Variants in PRH1 observed in about 807,000 individuals in gnomAD.
PRH1 encodes salivary acidic proline-rich phosphoprotein 1/2.
PRH1 carries 7 observed loss-of-function variants against 7.9 expected under a neutral mutation model. The observed-to-expected ratio is 0.89, with a 90% confidence interval of 0.50 to 1.67. PRH1 has a LOEUF of 1.67. Ranked by LOEUF, PRH1 falls within the 40% of genes most tolerant of loss-of-function variation. The probability of loss-of-function intolerance (pLI) is 0.00; values close to 1 mark genes in which losing one functional copy is unlikely to be tolerated. For missense variants in PRH1, 109 were observed against 223.6 expected (o/e 0.49, Z 3.27); for synonymous variants, 45 against 80.8 (o/e 0.56, Z 2.38).
intron 1 of PRH1, among the ~76,000 whole-genome samples, chr12:11,097,673 AT>A (rs1208751612): frequency 8.7e-6 from 1 of 114,286 alleles, no homozygotes; most frequent in East Asian, 2.1e-4. Context: ...AAAATTACTT[AT>A]TTTCCAAATT....
At chr12:11,081,517 C>T (rs796607059) in intron 1 of PRH1, among the ~76,000 whole-genome samples, 1 of 98,988 alleles carries the variant, frequency 1.0e-5, no homozygotes, top group Admixed American at 1.0e-4. Flanking sequence ...AGAATAAAAG[C>T]TTTGTTCTGG....
At chr12:10,959,346 G>A (rs113254249) in intron 2 of PRH1, among the ~76,000 whole-genome samples, 64 of 139,932 alleles carry the variant, frequency 4.6e-4, no homozygotes, top group Non-Finnish European at 7.9e-5. Flanking sequence ...GAAAGGATTC[G>A]GAGACCAGCG....
At chr12:11,023,076 T>C (rs1241062066) in intron 1 of PRH1, among the ~76,000 whole-genome samples, 1 of 152,212 alleles carries the variant, frequency 6.6e-6, no homozygotes, top group Non-Finnish European at 1.5e-5. Flanking sequence ...CAATATGGAC[T>C]TATTTTTATG....
At chr12:11,067,058 G>A (rs1346923783) in intron 1 of PRH1, among the ~76,000 whole-genome samples, 1 of 151,680 alleles carries the variant, frequency 6.6e-6, no homozygotes, top group Non-Finnish European at 1.5e-5. Flanking sequence ...CCAAATTCTT[G>A]CAAGCCTTTT....
At chr12:10,939,283 A>T (rs1164940793) in intron 2 of PRH1, 1 of 810,374 alleles carries the variant, frequency 1.2e-6, no homozygotes, top group African/African-American at 1.8e-5. Context: ...AATGCTATGT[A>T]TATCTGATTC....
At chr12:10,965,449 C>G in intron 2 of PRH1, 1 of 464,752 alleles carries the variant, frequency 2.2e-6, no homozygotes, top group Non-Finnish European at 3.7e-6. Context: ...GACCTGATTT[C>G]TGAATGTGCA....
chr12:10,891,306 G>T (rs768069901), intron 2 of PRH1, among the ~76,000 whole-genome samples: 1 of 152,036 alleles, frequency 6.6e-6, no homozygotes, highest in Non-Finnish European at 1.5e-5. Flanking sequence ...TCCACCAAAG[G>T]CCTGTAACAA....
At chr12:10,975,789 A>G (rs538820787) in intron 1 of PRH1, among the ~76,000 whole-genome samples, 2 of 152,304 alleles carry the variant, frequency 1.3e-5, no homozygotes, top group South Asian at 4.1e-4. Flanking sequence ...TTTCATAAAA[A>G]AAGTCTTTAA....
chr12:11,001,495 T>C (rs1940595730), intron 1 of PRH1, among the ~76,000 whole-genome samples: 1 of 152,052 alleles, frequency 6.6e-6, no homozygotes, highest in African/African-American at 2.4e-5. Context: ...GATGGGAGAA[T>C]GCCAGGGGAT....
chr12:11,077,669 G>C, intron 1 of PRH1: 1 of 1,195,632 alleles, frequency 8.4e-7, no homozygotes, highest in Non-Finnish European at 1.2e-6. Flanking sequence ...AAACATATTA[G>C]GGTCAGAATG....
chr12:11,065,120 A>G (rs141028677), intron 1 of PRH1, among the ~76,000 whole-genome samples: 4 of 152,222 alleles, frequency 2.6e-5, no homozygotes, highest in East Asian at 3.9e-4. Flanking sequence ...ATCAAGGTCT[A>G]TTCTACTTTT....
downstream of PRH1, among the ~76,000 whole-genome samples, chr12:11,119,438 T>G (rs1396718986): frequency 6.6e-6 from 1 of 152,160 alleles, no homozygotes; most frequent in African/African-American, 2.4e-5. Context: ...CTGGATTGTT[T>G]GTAACAAAAA....
intron 1 of PRH1, among the ~76,000 whole-genome samples, chr12:11,082,013 C>T (rs1944514967): frequency 8.5e-6 from 1 of 117,528 alleles, no homozygotes; most frequent in South Asian, 2.3e-4. Flanking sequence ...TTAAACTACA[C>T]TACACTTAAC....
chr12:10,975,961 A>T (rs1391340644), intron 1 of PRH1, among the ~76,000 whole-genome samples: 1 of 152,196 alleles, frequency 6.6e-6, no homozygotes. Context: ...AGATAAACAC[A>T]CAACACTAGT....
chr12:11,165,577 G>A (rs1214597352), intron 1 of PRH1, among the ~76,000 whole-genome samples: 1 of 152,120 alleles, frequency 6.6e-6, no homozygotes, highest in East Asian at 1.9e-4. Context: ...GGTTCTGTCT[G>A]ATAATTTCAA....
intron 1 of PRH1, among the ~76,000 whole-genome samples, chr12:11,024,310 A>G (rs1007189691): frequency 6.6e-6 from 1 of 152,226 alleles, no homozygotes; most frequent in Non-Finnish European, 1.5e-5. Context: ...TGTCATAAAC[A>G]CTCATGTAAC....
At chr12:11,070,757 G>A (rs1236639702) in intron 1 of PRH1, among the ~76,000 whole-genome samples, 1 of 152,010 alleles carries the variant, frequency 6.6e-6, no homozygotes, top group Non-Finnish European at 1.5e-5. Context: ...TAATTATCTA[G>A]GTACCCAAAA....
chr12:11,156,844 A>AT (rs141685387), intron 1 of PRH1, among the ~76,000 whole-genome samples: 2,952 of 139,126 alleles, frequency 0.021, 41 homozygotes, highest in Middle Eastern at 0.026. Flanking sequence ...GAAAACACCA[A>AT]TTTTTTTTTT....
At chr12:10,971,928 T>C (rs1477448079) in intron 2 of PRH1, among the ~76,000 whole-genome samples, 5 of 152,196 alleles carry the variant, frequency 3.3e-5, no homozygotes, top group Non-Finnish European at 7.4e-5. Context: ...CTTATTCGTA[T>C]TCTATTATTA....
Sources: allele counts gnomAD v4.1 joint callset (sites outside exome capture counted in the v4.1 genomes callset), GRCh38; gene constraint gnomAD v4.1.1; transcripts MANE v1.5; gene names NCBI Gene and HGNC (gene_info 2026-07-23, HGNC 2026-07-21).